Variants in COP1 observed in about 807,000 individuals in gnomAD.
COP1 encodes the protein E3 ubiquitin-protein ligase COP1.
In COP1, 24 loss-of-function variants were observed where a neutral mutation model predicts 101.3. That is an observed-to-expected ratio of 0.24 (90% CI 0.17 to 0.33). The LOEUF (loss-of-function observed/expected upper bound fraction) is 0.33, where lower values mean the gene tolerates loss of function less well. COP1 is among the 10% of genes least tolerant of loss of function. COP1 has a pLI of 1.00. For synonymous variants in COP1, 347 were observed against 341.9 expected, an observed-to-expected ratio of 1.01 and a Z score of -0.17; for missense variants, 663 against 906.2, an observed-to-expected ratio of 0.73 and a Z score of 3.45.
chr1:175,997,859 G>C (rs897451965), intron 15 of COP1, among the ~76,000 whole-genome samples: 1 of 151,948 alleles, frequency 6.6e-6, no homozygotes, highest in Non-Finnish European at 1.5e-5. Context: ...CAGGGATCTA[G>C]AACTAGAAAT....
intron 11 of COP1, among the ~76,000 whole-genome samples, chr1:176,076,305 C>A (rs1677998671): frequency 6.6e-6 from 1 of 151,932 alleles, no homozygotes; most frequent in East Asian, 1.9e-4. Flanking sequence ...ACATAGAAAT[C>A]AATATCAAGA....
chr1:175,968,882 T>C (rs1207359567), intron 18 of COP1, among the ~76,000 whole-genome samples: 1 of 152,228 alleles, frequency 6.6e-6, no homozygotes, highest in Non-Finnish European at 1.5e-5. Context: ...CACTTTCAAC[T>C]TGCAGCACAT....
chr1:176,204,462 GA>G (rs1282018818), intron 1 of COP1, among the ~76,000 whole-genome samples: 2 of 151,842 alleles, frequency 1.3e-5, no homozygotes, highest in African/African-American at 4.8e-5. Context: ...GAAAAAAAAA[GA>G]AAAAAAGGAT....
chr1:176,172,828 G>A (rs1696288070), intron 3 of COP1, among the ~76,000 whole-genome samples: 1 of 152,184 alleles, frequency 6.6e-6, no homozygotes, highest in African/African-American at 2.4e-5. Context: ...ACAGGAGACA[G>A]TCTCTACACA....
chr1:176,005,096 G>A (rs563430933), intron 15 of COP1, among the ~76,000 whole-genome samples: 7 of 152,228 alleles, frequency 4.6e-5, no homozygotes, highest in African/African-American at 7.2e-5. Flanking sequence ...TGTATGTGTC[G>A]AGGAATTTAT....
intron 18 of COP1, among the ~76,000 whole-genome samples, chr1:175,975,781 A>G (rs4379645): frequency 0.94 from 143,030 of 152,234 alleles, 67,637 homozygotes; most frequent in East Asian, 1. Context: ...GTATGTAAAA[A>G]CATGAATTTA....
chr1:176,011,810 C>T (rs1362771902), intron 15 of COP1, among the ~76,000 whole-genome samples: 1 of 152,172 alleles, frequency 6.6e-6, no homozygotes, highest in African/African-American at 2.4e-5. Context: ...GACTTTGTGC[C>T]TATTAGTAAC....
In COP1 at chr1:176,203,950, C is replaced by T. The variant is rs528361111; in HGVS notation, c.407+2622G>A. Among the ~76,000 whole-genome samples, 3 of 152,282 alleles carry T rather than the reference C, an allele frequency of 2.0e-5. No homozygotes were observed. In the South Asian group the frequency reaches 6.2e-4, roughly 32 times the overall value. ...ACACCACCCACCCCAGCCTCCAATT[C>T]AGGTACGTCTTCTTGGGATGTGGGC... On this transcript the variant is annotated intron_variant, in intron 1 of 19. Transcript: ENST00000367669.
At chr1:176,125,659 G>T (rs928943964) in intron 8 of COP1, among the ~76,000 whole-genome samples, 1 of 151,970 alleles carries the variant, frequency 6.6e-6, no homozygotes, top group Admixed American at 6.6e-5. Context: ...AGGTAATAAC[G>T]ATTCCTCTAC....
chr1:175,987,284 A>G (rs538195074), intron 17 of COP1, among the ~76,000 whole-genome samples, 181 bp from the exon 18 acceptor site: 6 of 152,328 alleles, frequency 3.9e-5, no homozygotes, highest in Non-Finnish European at 7.4e-5. Context: ...GACAAAAGCT[A>G]TACTTTACTA....
At chr1:176,144,330 T>TA (rs1392580451) in intron 6 of COP1, among the ~76,000 whole-genome samples, 2 of 152,140 alleles carry the variant, frequency 1.3e-5, no homozygotes, top group East Asian at 1.9e-4. Flanking sequence ...AAACTAAAGT[T>TA]AGAGACACAG....
chr1:176,043,125 A>C, intron 14 of COP1, 61 bp downstream of exon 14: 1 of 949,042 alleles, frequency 1.1e-6, no homozygotes, highest in Non-Finnish European at 1.7e-6. Flanking sequence ...TGCCGATGAA[A>C]GGAATTACAG....
chr1:175,966,280 T>TACACACACACACAC (rs66711924), intron 18 of COP1, among the ~76,000 whole-genome samples: 26 of 150,274 alleles, frequency 1.7e-4, no homozygotes, highest in African/African-American at 4.2e-4. Context: ...GTGTTTGCAA[T>TACACACACACACAC]ACACACACAC....
intron 5 of COP1, among the ~76,000 whole-genome samples, chr1:176,151,169 T>C (rs1197115032): frequency 6.6e-6 from 1 of 151,456 alleles, no homozygotes; most frequent in Non-Finnish European, 1.5e-5. Context: ...AAACATGTAA[T>C]GATCATTTAG....
chr1:175,972,276 A>T (rs1462638280), intron 18 of COP1, among the ~76,000 whole-genome samples: 1 of 152,152 alleles, frequency 6.6e-6, no homozygotes, highest in Non-Finnish European at 1.5e-5. Flanking sequence ...CCATACTTTG[A>T]AAAATACTAA....
At chr1:176,183,283 C>T (rs571007405) in intron 2 of COP1, among the ~76,000 whole-genome samples, 5 of 152,208 alleles carry the variant, frequency 3.3e-5, no homozygotes, top group African/African-American at 1.2e-4. Context: ...CATAAAATTA[C>T]GGGCCTGATT....
intron 7 of COP1, 23 bp downstream of exon 7, chr1:176,136,465 G>C: frequency 2.0e-6 from 3 of 1,513,902 alleles, no homozygotes; most frequent in Non-Finnish European, 2.7e-6. Context: ...TGCTAAGGAT[G>C]TGAGAAATTC....
intron 8 of COP1, among the ~76,000 whole-genome samples, chr1:176,122,439 T>C (rs548203369): frequency 1.3e-5 from 2 of 152,252 alleles, no homozygotes; most frequent in South Asian, 2.1e-4. Flanking sequence ...CAAAAAAATT[T>C]TGGAAACTTA....
chr1:176,022,112 T>C (rs1281631579), intron 15 of COP1, among the ~76,000 whole-genome samples: 1 of 152,242 alleles, frequency 6.6e-6, no homozygotes, highest in East Asian at 1.9e-4. Context: ...GTTTTCATTC[T>C]AATTTATTCC....
Sources: allele counts gnomAD v4.1 joint callset (sites outside exome capture counted in the v4.1 genomes callset), GRCh38; gene constraint gnomAD v4.1.1; transcripts MANE v1.5; gene names NCBI Gene and HGNC (gene_info 2026-07-23, HGNC 2026-07-21).